ARHGEF17: variants seen among roughly 807,000 people sequenced by gnomAD.
ARHGEF17 encodes Rho guanine nucleotide exchange factor 17.
Under a neutral mutation model 174.0 loss-of-function variants are expected in ARHGEF17, and 80 were observed. The ratio of observed to expected loss-of-function variants is 0.46; its 90% CI spans 0.38 to 0.55. The LOEUF is 0.55. Ranked by LOEUF, ARHGEF17 falls within the 20% of genes least tolerant of loss-of-function variation. The probability of loss-of-function intolerance (pLI) is 0.00; values close to 1 mark genes in which losing one functional copy is unlikely to be tolerated. For missense variants in ARHGEF17, 2,886 were observed against 2,839.7 expected (o/e 1.02, Z -0.37); for synonymous variants, 1,311 against 1,189.1 (o/e 1.10, Z -2.11).
At chr11:73,358,617 C>G (rs1865685790) in intron 9 of ARHGEF17, among the ~76,000 whole-genome samples, 1 of 144,978 alleles carries the variant, frequency 6.9e-6, no homozygotes, top group Non-Finnish European at 1.5e-5. Context: ...ACCACTACGC[C>G]CGGTTAATTT....
chr11:73,343,381 C>A, intron 1 of ARHGEF17: 1 of 386,458 alleles, frequency 2.6e-6, no homozygotes. Context: ...AGGCATGGGG[C>A]GCAGGGACTC....
Position 73,359,966 on chromosome 11 carries a change from G to A in ARHGEF17, c.4206+14G>A, listed in dbSNP as rs755344945. ...TTCCCCCACCAGGTCTGTGCCCTCT[G>A]CCTGACACTGGGGAGCCAGAGGGTG... On this transcript the variant is annotated intron_variant, in intron 10 of 20. Transcript: ENST00000263674. 16 of 1,588,354 alleles carry A rather than the reference G, an allele frequency of 1.0e-5. No homozygotes were observed. Among genetic ancestry groups the A allele is most frequent in the Non-Finnish European group, 1.3e-5 (15 of 1,168,422 alleles).
At chr11:73,353,148 TAG>T (rs1865583975) in intron 3 of ARHGEF17, 136 bp downstream of exon 3, 6 of 1,171,218 alleles carry the variant, frequency 5.1e-6, no homozygotes, top group Admixed American at 4.3e-5. Context: ...AGAACTTGGC[TAG>T]ACATTGGTAC....
At position 73,352,844 on chromosome 11, in the gene ARHGEF17, G is replaced by T. The variant is rs202168618; in HGVS notation, c.3285G>T (p.Pro1095=). The T allele has an allele frequency of 3.1e-6, 5 of 1,613,952 alleles. No individual in the cohort carries two copies. In the African/African-American group the frequency reaches 5.3e-5, roughly 17 times the overall value. The change falls in exon 3 of 21, where the codon CCG becomes CCT. Residue 1095 remains proline (P), a synonymous_variant. Transcript: ENST00000263674. ...GGGTCCTTCAGGGCTACATGCAGCC[G>T]CTGAAGCAGCCAGAGAACTCCGTGC... ...LRTLMQGYMQ[P]LKQPENSVLC...
At chr11:73,360,238 G>A in intron 10 of ARHGEF17, 82 bp from the exon 11 acceptor site, 1 of 1,483,006 alleles carries the variant, frequency 6.7e-7, no homozygotes, top group Non-Finnish European at 9.3e-7. Context: ...TCTAAGGAGA[G>A]AGGCAGGTCC....
Position 73,309,307 on chromosome 11 carries a change from G to T in ARHGEF17, c.669G>T (p.Pro223=), listed in dbSNP as rs1395061851. The change falls in exon 1 of 21, where the codon CCG becomes CCT. Residue 223 remains proline (P), a synonymous_variant. Transcript: ENST00000263674. ...GLHSWHIFSQ[P]QAGARASCSS... Reference sequence around the variant, plus strand: ...ATTCTTGGCATATCTTCTCCCAACCGCAGGCCGGGGCCCGGGCCTCCTGCT... The same window carrying T: ...ATTCTTGGCATATCTTCTCCCAACCTCAGGCCGGGGCCCGGGCCTCCTGCT... 21 of 1,609,906 alleles carry T rather than the reference G, an allele frequency of 1.3e-5. No homozygotes were observed. Among genetic ancestry groups the T allele is most frequent in the Non-Finnish European group, 1.6e-5 (19 of 1,179,410 alleles).
chr11:73,360,637 C>T (rs1344569564), intron 11 of ARHGEF17, 104 bp downstream of exon 11: 4 of 1,247,968 alleles, frequency 3.2e-6, no homozygotes, highest in Admixed American at 1.9e-5. Context: ...ACCGCAGTGC[C>T]CTGTGCTCCG....
At chr11:73,346,024 G>A (rs914986572) in intron 1 of ARHGEF17, among the ~76,000 whole-genome samples, 2 of 151,990 alleles carry the variant, frequency 1.3e-5, no homozygotes, top group South Asian at 2.1e-4. Flanking sequence ...AGTCCCAGGG[G>A]CTGAACACAA....
At chr11:73,325,059 G>A (rs576287506) in intron 1 of ARHGEF17, among the ~76,000 whole-genome samples, 43 of 152,274 alleles carry the variant, frequency 2.8e-4, no homozygotes, top group African/African-American at 9.1e-4. Context: ...GCAGGTGAAG[G>A]GGAGACAGGC....
intron 1 of ARHGEF17, among the ~76,000 whole-genome samples, chr11:73,336,786 C>T (rs965983990): frequency 1.3e-5 from 2 of 152,190 alleles, no homozygotes; most frequent in East Asian, 1.9e-4. Context: ...GCAGTGTGGT[C>T]GGATAGTGCT....
intron 1 of ARHGEF17, among the ~76,000 whole-genome samples, chr11:73,314,482 C>A (rs1004381035): frequency 6.6e-6 from 1 of 152,194 alleles, no homozygotes; most frequent in African/African-American, 2.4e-5. Context: ...CTTTGTCTCT[C>A]AGTTTTCCCA....
intron 3 of ARHGEF17, 122 bp from the exon 4 acceptor site, chr11:73,355,411 G>A (rs1409116677): frequency 2.9e-6 from 2 of 693,016 alleles, no homozygotes; most frequent in African/African-American, 3.5e-5. Flanking sequence ...TGATCCCTTA[G>A]AGATTGTATC....
At chr11:73,358,604 C>T (rs1438038435) in intron 9 of ARHGEF17, among the ~76,000 whole-genome samples, 1 of 151,390 alleles carries the variant, frequency 6.6e-6, no homozygotes, top group African/African-American at 2.4e-5. Context: ...ACTACAGGTG[C>T]GCACCACTAC....
At chr11:73,340,399 C>G (rs1865350881) in intron 1 of ARHGEF17, among the ~76,000 whole-genome samples, 1 of 152,182 alleles carries the variant, frequency 6.6e-6, no homozygotes, top group Non-Finnish European at 1.5e-5. Flanking sequence ...GGACCTTGTT[C>G]TTGCCATGCC....
intron 2 of ARHGEF17, 140 bp downstream of exon 2, chr11:73,347,100 A>G: frequency 1.2e-6 from 1 of 848,394 alleles, no homozygotes; most frequent in East Asian, 2.7e-5. Context: ...CTTTCCATGA[A>G]GAACCCCCAG....
chr11:73,352,475 C>G (rs1820214489), intron 2 of ARHGEF17, among the ~76,000 whole-genome samples: 1 of 152,158 alleles, frequency 6.6e-6, no homozygotes, highest in African/African-American at 2.4e-5. Context: ...AGAACAGTGC[C>G]TGGTACGTAG....
In ARHGEF17 at chr11:73,311,643, C is replaced by T. The variant is rs760123570; in HGVS notation, c.3005C>T (p.Ser1002Leu). 4 of 1,613,328 alleles carry T rather than the reference C, an allele frequency of 2.5e-6. No homozygotes were observed. The highest frequency in any genetic ancestry group is 1.7e-4 in the Middle Eastern group (1 of 6,060). Residue 1002 changes from serine to leucine, a missense_variant, in exon 1 of 21, where the codon TCG becomes TTG. Around this residue, in one of 4 missense-constraint regions of ARHGEF17, gnomAD observed 1,728 missense variants for 1,461.2 expected, o/e 1.18. Transcript: ENST00000263674. ...TRAHPTLQAP[S>L]LEDVTKQYML... ...GCCCATCCCACGTTGCAGGCACCAT[C>T]GCTCGAGGACGTCACCAAGCAGTAC... is the stretch of plus-strand genomic sequence containing the variant.
intron 1 of ARHGEF17, among the ~76,000 whole-genome samples, chr11:73,323,272 G>A (rs910377134): frequency 1.2e-4 from 19 of 152,182 alleles, no homozygotes; most frequent in Admixed American, 9.8e-4. Flanking sequence ...TCTAACCTAA[G>A]ACAAGTCCCT....
intron 1 of ARHGEF17, among the ~76,000 whole-genome samples, chr11:73,326,992 C>T (rs912483663): frequency 6.6e-6 from 1 of 152,218 alleles, no homozygotes; most frequent in Non-Finnish European, 1.5e-5. Flanking sequence ...TCTCTGCAGG[C>T]TCAGAAGGGC....
Sources: gnomAD v4.1 joint callset for allele counts (sites outside exome capture counted in the v4.1 genomes callset) on GRCh38, gnomAD v4.1.1 for gene constraint, gnomAD v4.1.1 regional missense constraint, MANE v1.5 for transcripts, NCBI Gene and HGNC (gene_info 2026-07-23, HGNC 2026-07-21) for gene names.